Variants in SCN11A observed in about 807,000 individuals in gnomAD.
The protein encoded by SCN11A is sodium channel protein type 11 subunit alpha.
In SCN11A, 122 loss-of-function variants were observed where a neutral mutation model predicts 162.2. The ratio of observed to expected loss-of-function variants is 0.75; its 90% CI spans 0.65 to 0.87. SCN11A has a LOEUF of 0.87. Among genes scored for constraint, SCN11A ranks in the 40% least tolerant of loss-of-function variants. The pLI is 0.00. For synonymous variants in SCN11A, 758 were observed against 751.5 expected (o/e 1.01, Z -0.14); for missense variants, 2,015 against 2,181.6 (o/e 0.92, Z 1.52).
At chr3:38,884,930 T>C (rs1413876987) in intron 21 of SCN11A, among the ~76,000 whole-genome samples, 1 of 152,248 alleles carries the variant, frequency 6.6e-6, no homozygotes, top group Non-Finnish European at 1.5e-5. Context: ...AGATCCTGAC[T>C]ACAATGTCTA....
chr3:38,939,303 T>C (rs1162204685), intron 7 of SCN11A, among the ~76,000 whole-genome samples: 1 of 151,994 alleles, frequency 6.6e-6, no homozygotes, highest in African/African-American at 2.4e-5. Context: ...GAATAGTTTT[T>C]AAAATGGAAT....
chr3:39,026,027 A>ACC (rs2031578741), intron 2 of SCN11A: 2 of 152,354 alleles, frequency 1.3e-5, no homozygotes, highest in South Asian at 4.1e-4. Context: ...TTAGAATGAT[A>ACC]CAGAGAAGAT....
intron 2 of SCN11A, among the ~76,000 whole-genome samples, chr3:38,965,156 T>C (rs1010788450): frequency 3.9e-5 from 6 of 152,246 alleles, no homozygotes; most frequent in Admixed American, 2.6e-4. Context: ...AGACTCCTAG[T>C]AGATCCTTAC....
At chr3:38,954,034 A>G (rs1266848318) in intron 3 of SCN11A, among the ~76,000 whole-genome samples, 1 of 152,186 alleles carries the variant, frequency 6.6e-6, no homozygotes, top group East Asian at 1.9e-4. Flanking sequence ...GATAAAGGCA[A>G]TGTATGATCC....
intron 23 of SCN11A, among the ~76,000 whole-genome samples, chr3:38,875,440 T>C (rs150008334): frequency 6.6e-6 from 1 of 152,196 alleles, no homozygotes; most frequent in East Asian, 1.9e-4. Context: ...GATGATATGA[T>C]TGTATACATA....
At position 38,897,136 on chromosome 3, in the gene SCN11A, C is replaced by T. The variant is rs1559516036; in HGVS notation, c.2112G>A (p.Leu704=). The T allele has an allele frequency of 1.2e-6, 2 of 1,614,130 alleles. No individual in the cohort carries two copies. The highest frequency in any genetic ancestry group is 1.7e-5 in the Admixed American group (1 of 60,020). Residue 704 remains leucine (L), a synonymous_variant, in exon 18 of 30, where the codon CTG becomes CTA. Coordinates refer to ENST00000302328, the MANE Select transcript of SCN11A (RefSeq NM_001349253.2). ...AGATCACAATGACCAGGACCACAGT[C>T]AGGCTTCCAAGGGCTCCGACAGAGT... is the stretch of plus-strand genomic sequence containing the variant. ...IGNSVGALGS[L]TVVLVIVIFI...
rs764112097 is a variant in SCN11A, at chr3:38,894,621, A to G, written c.2747T>C (p.Leu916Ser). ...TLGVRHDWTWLAPLAEEEDDV... is the reference protein window; with the variant it reads ...TLGVRHDWTWSAPLAEEEDDV... ...ATCTTCCTCCTCCGCAAGTGGTGCC[A>G]ACCAAGTCCAATCATGCCTGACGCC... is the stretch of plus-strand genomic sequence containing the variant. Residue 916 changes from leucine (L) to serine (S), a missense_variant, in exon 19 of 30, where the codon TTG becomes TCG. Leu to Ser is a moderately radical substitution (Grantham distance 145). Coordinates refer to ENST00000302328, the MANE Select transcript of SCN11A (RefSeq NM_001349253.2). 8.7e-6 allele frequency: 14 copies of G among 1,614,168 alleles called. No individual in the cohort carries two copies. Among genetic ancestry groups the G allele is most frequent in the Non-Finnish European group, 1.1e-5 (13 of 1,179,994 alleles).
intron 2 of SCN11A, among the ~76,000 whole-genome samples, chr3:38,974,694 C>CAAAAAAAAAAAAAAAA (rs773028321): frequency 1.2e-4 from 6 of 48,134 alleles, no homozygotes; most frequent in African/African-American, 3.8e-4. Context: ...GACTCCGTCT[C>CAAAAAAAAAAAAAAAA]AAAAAAAAAA....
chr3:39,048,521 T>C (rs535739576), intron 1 of SCN11A, among the ~76,000 whole-genome samples: 9 of 152,340 alleles, frequency 5.9e-5, no homozygotes, highest in East Asian at 3.9e-4. Flanking sequence ...AGAGTGGATA[T>C]TGAATTTTCC....
At chr3:38,992,195 T>C (rs1321736121) in intron 2 of SCN11A, among the ~76,000 whole-genome samples, 1 of 152,230 alleles carries the variant, frequency 6.6e-6, no homozygotes. Context: ...CGAAGTCCAA[T>C]ACATCCTTTG....
chr3:38,960,565 C>T (rs923221241), intron 2 of SCN11A, among the ~76,000 whole-genome samples, 142 bp from the exon 3 acceptor site: 10 of 152,310 alleles, frequency 6.6e-5, no homozygotes, highest in African/African-American at 1.9e-4. Context: ...TTAATCAGTG[C>T]TTAATCTAAC....
Position 38,897,154 on chromosome 3 carries a change from G to A in SCN11A, c.2094C>T (p.Val698=), listed in dbSNP as rs145915658. The part of the protein sequence containing the change: ...NTLIKIIGNS[V]GALGSLTVVL... ...CCACAGTCAGGCTTCCAAGGGCTCC[G>A]ACAGAGTTGCCGATTATCTTAATTA... The change falls in exon 18 of 30, where the codon GTC becomes GTT. Residue 698 remains valine, a synonymous_variant. Transcript: ENST00000302328. The A allele has an allele frequency of 2.2e-5, 35 of 1,614,112 alleles. No homozygotes were observed. The highest frequency in any genetic ancestry group is 1.7e-4 in the African/African-American group (13 of 75,034).
chr3:38,899,873 T>C (rs1232551743), intron 17 of SCN11A, 21 bp downstream of exon 17: 4 of 1,603,974 alleles, frequency 2.5e-6, no homozygotes, highest in Admixed American at 3.4e-5. Context: ...GTTTATGCAG[T>C]AAAATAAGAA....
At chr3:38,938,269 T>C (rs1429170290) in intron 7 of SCN11A, among the ~76,000 whole-genome samples, 1 of 151,620 alleles carries the variant, frequency 6.6e-6, no homozygotes, top group Non-Finnish European at 1.5e-5. Context: ...TTAGGAGATA[T>C]ACCTAATGCT....
intron 2 of SCN11A, among the ~76,000 whole-genome samples, chr3:38,981,054 T>C (rs1414657365): frequency 2.0e-5 from 3 of 152,168 alleles, no homozygotes; most frequent in East Asian, 3.9e-4. Context: ...AACCCTGTAA[T>C]TGGTTTTCTT....
intron 2 of SCN11A, among the ~76,000 whole-genome samples, chr3:38,972,981 T>A (rs1011120716): frequency 6.6e-6 from 1 of 152,180 alleles, no homozygotes; most frequent in African/African-American, 2.4e-5. Flanking sequence ...AATGTTTACA[T>A]GAAAATTAAT....
At chr3:38,864,023 C>G (rs764897000) in intron 27 of SCN11A, among the ~76,000 whole-genome samples, 1 of 152,054 alleles carries the variant, frequency 6.6e-6, no homozygotes, top group Admixed American at 6.6e-5. Flanking sequence ...ACTAGAATCT[C>G]AGTTTTTAGT....
At chr3:38,920,973 T>C in intron 10 of SCN11A, 103 bp downstream of exon 10, 1 of 1,074,318 alleles carries the variant, frequency 9.3e-7, no homozygotes. Flanking sequence ...CCTCCCTTGC[T>C]GCTAAGAGAC....
At chr3:38,951,295 G>A (rs1242553760) in intron 4 of SCN11A, among the ~76,000 whole-genome samples, 1 of 152,244 alleles carries the variant, frequency 6.6e-6, no homozygotes, top group African/African-American at 2.4e-5. Flanking sequence ...TGGCACCCGG[G>A]CCAGTGGCTG....
Sources: allele counts gnomAD v4.1 joint callset (sites outside exome capture counted in the v4.1 genomes callset), GRCh38; gene constraint gnomAD v4.1.1; transcripts MANE v1.5; gene names NCBI Gene and HGNC (gene_info 2026-07-23, HGNC 2026-07-21).